UIMC1: variants seen among roughly 807,000 people sequenced by gnomAD.
UIMC1 encodes BRCA1-A complex subunit RAP80.
A neutral mutation model predicts 84.9 loss-of-function variants in UIMC1; 42 were observed. The ratio of observed to expected loss-of-function variants is 0.49; its 90% confidence interval spans 0.39 to 0.64. UIMC1 has a LOEUF of 0.64. UIMC1 is among the 30% of genes least tolerant of loss of function. The probability of loss-of-function intolerance (pLI) is 0.00; values close to 1 mark genes in which losing one functional copy is unlikely to be tolerated. For synonymous variants in UIMC1, 281 were observed against 293.0 expected, an observed-to-expected ratio of 0.96 and a Z score of 0.42; for missense variants, 825 against 847.6, an observed-to-expected ratio of 0.97 and a Z score of 0.33.
intron 10 of UIMC1, among the ~76,000 whole-genome samples, chr5:176,931,580 C>T (rs1048432872): frequency 6.6e-6 from 1 of 152,220 alleles, no homozygotes; most frequent in Non-Finnish European, 1.5e-5. Flanking sequence ...CAGACGTACA[C>T]TGCAGTCAGG....
chr5:176,956,191 G>GA (rs1449129588), intron 7 of UIMC1, among the ~76,000 whole-genome samples, 156 bp from the exon 8 acceptor site: 1 of 152,206 alleles, frequency 6.6e-6, no homozygotes, highest in Non-Finnish European at 1.5e-5. Context: ...AATCAGTACT[G>GA]AAAACTCCAG....
At chr5:176,979,083 G>GA (rs1222868617) in intron 2 of UIMC1, among the ~76,000 whole-genome samples, 1 of 152,078 alleles carries the variant, frequency 6.6e-6, no homozygotes. Flanking sequence ...AAAAATATGT[G>GA]ACAGATTAAC....
intron 1 of UIMC1, among the ~76,000 whole-genome samples, chr5:177,004,603 C>T (rs1347813637): frequency 6.6e-6 from 1 of 152,146 alleles, no homozygotes; most frequent in Non-Finnish European, 1.5e-5. Context: ...AATTAAGGAA[C>T]AAAATGTCTC....
intron 10 of UIMC1, among the ~76,000 whole-genome samples, chr5:176,924,378 A>T (rs1762126996): frequency 6.6e-6 from 1 of 152,050 alleles, no homozygotes; most frequent in South Asian, 2.1e-4. Flanking sequence ...ACAAATGAGA[A>T]ATTATGCTAC....
chr5:176,991,004 T>C (rs1031747265), intron 1 of UIMC1, among the ~76,000 whole-genome samples: 1 of 151,702 alleles, frequency 6.6e-6, no homozygotes, highest in African/African-American at 2.4e-5. Context: ...TTTTATTTTT[T>C]ATTTTTATTT....
At chr5:176,986,675 T>C (rs951428961) in intron 1 of UIMC1, among the ~76,000 whole-genome samples, 7 of 151,830 alleles carry the variant, frequency 4.6e-5, no homozygotes, top group Admixed American at 4.6e-4. Context: ...ACCCTGTCTC[T>C]ACAAAAAATT....
chr5:176,981,807 G>A (rs2149504194), intron 2 of UIMC1, among the ~76,000 whole-genome samples: 1 of 151,994 alleles, frequency 6.6e-6, no homozygotes. Context: ...AAAATATATA[G>A]GAGAAAGAGA....
intron 10 of UIMC1, among the ~76,000 whole-genome samples, chr5:176,920,514 T>C (rs1761571725): frequency 1.3e-5 from 2 of 152,214 alleles, no homozygotes. Flanking sequence ...GTCAAACATA[T>C]TCCTAAGTAT....
intron 10 of UIMC1, among the ~76,000 whole-genome samples, chr5:176,922,550 A>G (rs1415001283): frequency 1.3e-5 from 2 of 152,242 alleles, no homozygotes; most frequent in African/African-American, 4.8e-5. Flanking sequence ...TTAATATTTC[A>G]GAATACTGTA....
intron 10 of UIMC1, among the ~76,000 whole-genome samples, chr5:176,938,979 A>C (rs2149436254): frequency 6.6e-6 from 1 of 152,168 alleles, no homozygotes; most frequent in South Asian, 2.1e-4. Context: ...AATGCCAGGC[A>C]AGGTGGCTCA....
intron 10 of UIMC1, among the ~76,000 whole-genome samples, chr5:176,912,832 A>C (rs929400909): frequency 6.6e-6 from 1 of 152,050 alleles, no homozygotes; most frequent in African/African-American, 2.4e-5. Flanking sequence ...ACGCCCAGCT[A>C]ATTTTTTGTA....
intron 1 of UIMC1, among the ~76,000 whole-genome samples, chr5:176,991,166 C>A (rs1236351754): frequency 6.6e-6 from 1 of 151,770 alleles, no homozygotes; most frequent in Non-Finnish European, 1.5e-5. Flanking sequence ...CGCCACCACG[C>A]CCGGCTAATT....
At chr5:176,910,499 G>C (rs1042375457) in intron 11 of UIMC1, among the ~76,000 whole-genome samples, 2 of 152,010 alleles carry the variant, frequency 1.3e-5, no homozygotes, top group Non-Finnish European at 1.5e-5. Flanking sequence ...TTCCTAATGG[G>C]GCTGAATAAT....
chr5:176,938,331 C>A (rs547691548), intron 10 of UIMC1, among the ~76,000 whole-genome samples: 35 of 151,232 alleles, frequency 2.3e-4, no homozygotes, highest in Non-Finnish European at 4.6e-4. Flanking sequence ...CTAAGAGGAA[C>A]CAGCACAATC....
chr5:176,947,851 A>C (rs1303333703), intron 9 of UIMC1, among the ~76,000 whole-genome samples: 1 of 151,996 alleles, frequency 6.6e-6, no homozygotes, highest in Non-Finnish European at 1.5e-5. Context: ...ACTATTTTTC[A>C]AAAGAGGTAC....
At chr5:176,974,564 AGCCAGGCATGGTG>A (rs1401328029) in intron 3 of UIMC1, among the ~76,000 whole-genome samples, 1 of 152,180 alleles carries the variant, frequency 6.6e-6, no homozygotes, top group Non-Finnish European at 1.5e-5. Flanking sequence ...CTTCTGTTCT[AGCCAGGCATGGTG>A]GCTCATGCCT....
intron 1 of UIMC1, among the ~76,000 whole-genome samples, chr5:177,011,925 C>T (rs986446638): frequency 2.0e-5 from 3 of 152,016 alleles, no homozygotes; most frequent in African/African-American, 4.8e-5. Flanking sequence ...CTCAGCCTCC[C>T]GAGTAGCTAG....
chr5:176,939,716 C>T (rs1000819013), intron 10 of UIMC1, among the ~76,000 whole-genome samples: 2 of 152,212 alleles, frequency 1.3e-5, no homozygotes, highest in Admixed American at 1.3e-4. Flanking sequence ...TCTCAGAACA[C>T]ATCCCCATCA....
intron 10 of UIMC1, among the ~76,000 whole-genome samples, chr5:176,920,594 G>C (rs1377971628): frequency 1.3e-5 from 2 of 152,124 alleles, no homozygotes; most frequent in Non-Finnish European, 2.9e-5. Flanking sequence ...TTCACTGCTA[G>C]TGTACAAAAA....
Sources: allele counts gnomAD v4.1 joint callset (sites outside exome capture counted in the v4.1 genomes callset), GRCh38; gene constraint gnomAD v4.1.1; transcripts MANE v1.5; gene names NCBI Gene and HGNC (gene_info 2026-07-23, HGNC 2026-07-21).